Variants in PHACTR2 observed in about 807,000 individuals in gnomAD.
PHACTR2 encodes the protein chromosome 6 open reading frame 56.
Under a neutral mutation model 76.0 loss-of-function variants are expected in PHACTR2, and 30 were observed. That is an observed-to-expected ratio of 0.39 (90% CI 0.30 to 0.54). The LOEUF (loss-of-function observed/expected upper bound fraction) is 0.54, where lower values mean the gene tolerates loss of function less well. PHACTR2 is among the 20% of genes least tolerant of loss of function. The pLI is 0.61. For synonymous variants in PHACTR2, 292 were observed against 292.5 expected, an observed-to-expected ratio of 1.00 and a Z score of 0.02; for missense variants, 696 against 781.1, an observed-to-expected ratio of 0.89 and a Z score of 1.30.
chr6:143,706,473 C>T, intron 1 of PHACTR2, among the ~76,000 whole-genome samples: 1 of 152,210 alleles, frequency 6.6e-6, no homozygotes, highest in Non-Finnish European at 1.5e-5. Flanking sequence ...CTCCAACTCT[C>T]ATCAGGGCTG....
At chr6:143,587,852 A>G (rs1410868635) in intron 1 of PHACTR2, among the ~76,000 whole-genome samples, 2 of 151,942 alleles carry the variant, frequency 1.3e-5, no homozygotes, top group East Asian at 3.9e-4. Context: ...CGTCTCTACT[A>G]AAAATACAAA....
Position 143,709,903 on chromosome 6 carries a change from A to G in PHACTR2, c.47-2113A>G, listed in dbSNP as rs1302165060. Among the ~76,000 whole-genome samples the G allele has an allele frequency of 6.6e-6, 1 of 152,140 alleles. No individual in the cohort carries two copies. The highest frequency in any genetic ancestry group is 1.5e-5 in the Non-Finnish European group (1 of 68,012). ...GATGCTTCATTATCAGCCACCAGGC[A>G]TAAAGGTGCTAGTTTCCTGCTTGGT... On this transcript the variant is annotated intron_variant, in intron 1 of 12. Coordinates refer to ENST00000440869, the MANE Select transcript of PHACTR2 (RefSeq NM_001100164.2). This position sits in a 1 kb window ranked among gnomAD's most constrained non-coding sequence, Gnocchi z 4.4.
At position 143,570,567 on chromosome 6, in the gene PHACTR2, G is replaced by T. The variant is rs1775435306; in HGVS notation, c.217+33360G>T. On this transcript the variant is annotated intron_variant, in intron 1 of 11. Transcript: ENST00000367584. This position sits in a 1 kb window ranked among gnomAD's most constrained non-coding sequence, Gnocchi z 4.6. ...GTGCCTTTTCAGTTCAGCTCCCAGA[G>T]CTGGTCCTGATGAGGTGACTGGCAA... Among the ~76,000 whole-genome samples the T allele has an allele frequency of 1.3e-5, 2 of 152,148 alleles. No individual in the cohort carries two copies. The highest frequency in any genetic ancestry group is 4.1e-4 in the South Asian group (2 of 4,824).
intron 1 of PHACTR2, among the ~76,000 whole-genome samples, chr6:143,693,273 C>T (rs13193972): frequency 2.6e-5 from 4 of 151,780 alleles, no homozygotes; most frequent in East Asian, 1.9e-4. Flanking sequence ...AGTCTTACTC[C>T]ATCACCCAGG....
Position 143,803,946 on chromosome 6 carries a change from A to C in PHACTR2, c.1846-3111A>C, listed in dbSNP as rs927832253. Among the ~76,000 whole-genome samples, 1 of 152,226 alleles carries C rather than the reference A, an allele frequency of 6.6e-6. No individual in the cohort carries two copies. The highest frequency in any genetic ancestry group is 2.4e-5 in the African/African-American group (1 of 41,462). ...CTCAGGGCAAACAGGAAAAGGGTTA[A>C]TGCGCATCTCTCTCTAGCAAGTCAT... On this transcript the variant is annotated intron_variant, in intron 11 of 12. Transcript: ENST00000440869. This position sits in a 1 kb window ranked among gnomAD's most constrained non-coding sequence, Gnocchi z 4.7.
Position 143,765,619 on chromosome 6 carries a change from C to G in PHACTR2, c.1053C>G (p.Leu351=). ...CACCTTCTCCTCTGGCCCCCCCTCT[C>G]CCTCTTGAGGATCAGTGCATTACTG... ...APAPSPLAPP[L]PLEDQCITAS... Residue 351 remains leucine, a synonymous_variant, in exon 6 of 13, where the codon CTC becomes CTG. Coordinates refer to ENST00000440869, the MANE Select transcript of PHACTR2 (RefSeq NM_001100164.2). The surrounding 1 kb of genome is among the most constrained non-coding windows in gnomAD (Gnocchi z 4.1). 1 of 1,614,194 alleles carries G rather than the reference C, an allele frequency of 6.2e-7. No homozygotes were observed. Among genetic ancestry groups the G allele is most frequent in the African/African-American group, 1.3e-5 (1 of 75,066 alleles).
At chr6:143,635,316 ATGTGTGTGTGTG>A (rs71834478) in intron 1 of PHACTR2, among the ~76,000 whole-genome samples, 4 of 149,924 alleles carry the variant, frequency 2.7e-5, no homozygotes, top group South Asian at 2.1e-4. Flanking sequence ...AGCATTTAGG[ATGTGTGTGTGTG>A]TGTGTGTGTG....
chr6:143,544,045 C>T (rs1584049990), intron 1 of PHACTR2, among the ~76,000 whole-genome samples: 4 of 152,292 alleles, frequency 2.6e-5, no homozygotes, highest in Admixed American at 2.6e-4. Context: ...CTCTTGACCT[C>T]CTATCTTCTG....
chr6:143,809,471 A>T lies in PHACTR2; in HGVS notation c.1922+2338A>T, dbSNP rs1003754783. On this transcript the variant is annotated intron_variant, in intron 12 of 12. Coordinates refer to ENST00000440869, the MANE Select transcript of PHACTR2 (RefSeq NM_001100164.2). This position sits in a 1 kb window ranked among gnomAD's most constrained non-coding sequence, Gnocchi z 4.2. ...AGCGATCCTCCCAGCTCAGTCTACCAAAGTGTTGTGATTAAAGGCATGAGC... is the reference window on the plus strand; with the variant it reads ...AGCGATCCTCCCAGCTCAGTCTACCTAAGTGTTGTGATTAAAGGCATGAGC... Among the ~76,000 whole-genome samples the T allele has an allele frequency of 8.5e-5, 13 of 152,092 alleles. No individual in the cohort carries two copies. Among genetic ancestry groups the T allele is most frequent in the African/African-American group, 3.1e-4 (13 of 41,422 alleles).
Position 143,803,541 on chromosome 6 carries a change from C to G in PHACTR2, c.1846-3516C>G, listed in dbSNP as rs1317208708. Reference sequence around the variant, plus strand: ...CCAACCTGAATGACACAGTGAGACCCTGTCTCAAATAAATAAAAATAAATA... The same window carrying G: ...CCAACCTGAATGACACAGTGAGACCGTGTCTCAAATAAATAAAAATAAATA... On this transcript the variant is annotated intron_variant, in intron 11 of 12. Transcript: ENST00000440869. This position sits in a 1 kb window ranked among gnomAD's most constrained non-coding sequence, Gnocchi z 4.7. Among the ~76,000 whole-genome samples the G allele has an allele frequency of 6.6e-6, 1 of 152,116 alleles. No individual in the cohort carries two copies. The highest frequency in any genetic ancestry group is 1.5e-5 in the Non-Finnish European group (1 of 68,024).
upstream of PHACTR2, among the ~76,000 whole-genome samples, chr6:143,675,257 G>GA (rs1479093892): frequency 6.6e-6 from 1 of 152,120 alleles, no homozygotes; most frequent in East Asian, 1.9e-4. The surrounding 1 kb of genome is among the most constrained non-coding windows in gnomAD (Gnocchi z 4.9). Context: ...GTGTTCCATG[G>GA]AAAAAATCAG....
Position 143,818,096 on chromosome 6 carries a change from A to T in PHACTR2, c.1923-5578A>T, listed in dbSNP as rs936706791. 1.3e-5 allele frequency among the ~76,000 whole-genome samples: 2 copies of T among 152,338 alleles called. No homozygotes were observed. The highest frequency in any genetic ancestry group is 6.5e-5 in the Admixed American group (1 of 15,308). On this transcript the variant is annotated intron_variant, in intron 12 of 12. Coordinates refer to ENST00000440869, the MANE Select transcript of PHACTR2 (RefSeq NM_001100164.2). The surrounding 1 kb of genome is among the most constrained non-coding windows in gnomAD (Gnocchi z 4.9). The stretch of plus-strand genomic sequence containing the variant: ...ATCAAAATATCACTCTGTACCCCAT[A>T]AATATGAACAATTATGTGTCAATTA...
chr6:143,702,773 CTTT>C (rs1190039194), intron 1 of PHACTR2, among the ~76,000 whole-genome samples: 179 of 100,130 alleles, frequency 1.8e-3, no homozygotes, highest in African/African-American at 7.1e-3. Flanking sequence ...ATATATACAA[CTTT>C]TTTTTTTTTT....
chr6:143,544,748 C>T (rs1781207531), intron 1 of PHACTR2, among the ~76,000 whole-genome samples: 1 of 152,088 alleles, frequency 6.6e-6, no homozygotes, highest in African/African-American at 2.4e-5. Flanking sequence ...TTCTCAGTAC[C>T]TACTAGAGAG....
At chr6:143,615,070 G>C (rs369717045) in intron 1 of PHACTR2, among the ~76,000 whole-genome samples, 19 of 152,252 alleles carry the variant, frequency 1.2e-4, no homozygotes, top group African/African-American at 3.9e-4. Flanking sequence ...TGTCCATTAT[G>C]TCCTAGGCAT....
At chr6:143,724,058 G>A (rs1278472117) in intron 2 of PHACTR2, among the ~76,000 whole-genome samples, 3 of 151,714 alleles carry the variant, frequency 2.0e-5, no homozygotes, top group African/African-American at 7.3e-5. Flanking sequence ...TGCCTCCCAG[G>A]TTCAAGCGAT....
At position 143,621,968 on chromosome 6, in the gene PHACTR2, T is replaced by G. The variant is rs1214849431; in HGVS notation, c.13+13646T>G. The stretch of plus-strand genomic sequence containing the variant: ...CTCCTTCTAATCTGCTGTTTTCTTC[T>G]TTTTGTGTGTGTGGTCTGGGAAACC... On this transcript the variant is annotated intron_variant, in intron 1 of 11. Transcript: ENST00000305766. This position sits in a 1 kb window ranked among gnomAD's most constrained non-coding sequence, Gnocchi z 4.1. 6.6e-6 allele frequency among the ~76,000 whole-genome samples: 1 copy of G among 152,198 alleles called. No homozygotes were observed. The highest frequency in any genetic ancestry group is 1.5e-5 in the Non-Finnish European group (1 of 68,044).
rs1779430632 is a variant in PHACTR2, at chr6:143,761,045, TA to T, written c.694+410del. Among the ~76,000 whole-genome samples the T allele has an allele frequency of 6.6e-6, 1 of 152,216 alleles. No homozygotes were observed. Among genetic ancestry groups the T allele is most frequent in the Admixed American group, 6.5e-5 (1 of 15,292 alleles). ...TTTCAAAATATCTAAGGTTTGCATA[TA>T]AAAATGTGACAATTATAACTTTGAT... On this transcript the variant is annotated intron_variant, in intron 5 of 12. Coordinates refer to ENST00000440869, the MANE Select transcript of PHACTR2 (RefSeq NM_001100164.2). This position sits in a 1 kb window ranked among gnomAD's most constrained non-coding sequence, Gnocchi z 5.2.
Position 143,742,858 on chromosome 6 carries a change from G to A in PHACTR2, c.215-6127G>A, listed in dbSNP as rs1353464787. On this transcript the variant is annotated intron_variant, in intron 2 of 12. Coordinates refer to ENST00000440869, the MANE Select transcript of PHACTR2 (RefSeq NM_001100164.2). The surrounding 1 kb of genome is among the most constrained non-coding windows in gnomAD (Gnocchi z 4.5). ...ACTAGAATCATGTGATTATGCAATC[G>A]CATACACATGAATTTAGTAATGAAC... Among the ~76,000 whole-genome samples, 1 of 152,168 alleles carries A rather than the reference G, an allele frequency of 6.6e-6. No homozygotes were observed. Among genetic ancestry groups the A allele is most frequent in the African/African-American group, 2.4e-5 (1 of 41,422 alleles).
Sources: gnomAD v4.1 joint callset for allele counts (sites outside exome capture counted in the v4.1 genomes callset) on GRCh38, gnomAD v4.1.1 for gene constraint, Gnocchi (gnomAD v3.1) non-coding constraint, MANE v1.5 for transcripts, NCBI Gene and HGNC (gene_info 2026-07-23, HGNC 2026-07-21) for gene names.